NCAPG: variants seen among roughly 807,000 people sequenced by gnomAD.
NCAPG encodes non-SMC condensin I complex subunit G.
In NCAPG, 69 loss-of-function variants were observed where a neutral mutation model predicts 113.1. The ratio of observed to expected loss-of-function variants is 0.61; its 90% confidence interval spans 0.50 to 0.75. NCAPG has a LOEUF of 0.75. Among genes scored for constraint, NCAPG ranks in the 30% least tolerant of loss-of-function variants. The pLI is 0.00. For missense variants in NCAPG, 1,058 were observed against 1,177.0 expected (o/e 0.90, Z 1.48); for synonymous variants, 370 against 415.8 (o/e 0.89, Z 1.34).
chr4:17,838,029 C>T (rs1279715641), intron 16 of NCAPG, among the ~76,000 whole-genome samples: 2 of 152,082 alleles, frequency 1.3e-5, no homozygotes, highest in African/African-American at 4.8e-5. Context: ...ACTAAAAATC[C>T]ACCACCCACA....
intron 2 of NCAPG, 137 bp from the exon 3 acceptor site, chr4:17,812,780 G>T (rs1721051752): frequency 1.4e-6 from 1 of 699,298 alleles, no homozygotes; most frequent in Admixed American, 2.8e-5. Flanking sequence ...ATGGACCAAG[G>T]TAGCATTATA....
intron 13 of NCAPG, among the ~76,000 whole-genome samples, chr4:17,831,927 G>A (rs1721883804): frequency 6.6e-6 from 1 of 152,082 alleles, no homozygotes; most frequent in Non-Finnish European, 1.5e-5. Context: ...GGGAGGGTTT[G>A]GCAAACCTTT....
rs756298485 is a variant in NCAPG, at chr4:17,840,607, A to G, written c.2768A>G (p.Glu923Gly). 4.1e-6 allele frequency: 6 copies of G among 1,455,296 alleles called. No individual in the cohort carries two copies. The Admixed American group carries it at 1.3e-4, about 31-fold the overall frequency. The allele number at this position is 1,455,296 out of a possible 1,614,324, so 90.1% of individuals were successfully genotyped here. A position where few individuals can be genotyped will look rare whatever the true frequency, so the allele number is the denominator to read the frequency against. Residue 923 changes from glutamate to glycine, a missense_variant and splice_region_variant, in exon 19 of 21, where the codon GAA becomes GGA. By Grantham distance (98) the Glu-to-Gly change is moderately conservative (BLOSUM62 -2). Transcript: ENST00000251496. ...ATTGTTGTATTATTCCCTTTAATAG[A>G]AAAGAATAAAGAAGTATATATGACT... ...LTTTTFQNED[E>G]KNKEVYMTPL...
At chr4:17,842,673 T>C (rs1031666155) in intron 20 of NCAPG, 3 of 284,630 alleles carry the variant, frequency 1.1e-5, no homozygotes, top group Admixed American at 4.8e-5. Context: ...TAGCAAACTC[T>C]TGATTTTGAT....
chr4:17,831,351 T>C (rs1315609509), intron 13 of NCAPG, among the ~76,000 whole-genome samples: 2 of 152,234 alleles, frequency 1.3e-5, no homozygotes, highest in African/African-American at 4.8e-5. Flanking sequence ...AAATACTTAT[T>C]GAGTGCGTAT....
chr4:17,817,852 A>G (rs1721277907), intron 6 of NCAPG, 87 bp from the exon 7 acceptor site: 1 of 1,349,836 alleles, frequency 7.4e-7, no homozygotes, highest in African/African-American at 1.5e-5. Context: ...GTTTTAAAGC[A>G]AATCTTATTA....
At chr4:17,813,926 G>C (rs1397096498) in intron 3 of NCAPG, among the ~76,000 whole-genome samples, 1 of 151,846 alleles carries the variant, frequency 6.6e-6, no homozygotes, top group African/African-American at 2.4e-5. Context: ...ATAGTAGTTG[G>C]TATTTTTTTT....
intron 13 of NCAPG, among the ~76,000 whole-genome samples, chr4:17,833,489 TTGTTGTTG>T: frequency 4.5e-5 from 5 of 110,704 alleles, no homozygotes; most frequent in Admixed American, 3.6e-4. Flanking sequence ...TATATTTTTG[TTGTTGTTG>T]TTGTTGTTGT....
Position 17,811,203 on chromosome 4 carries a change from C to T in NCAPG, c.111+15C>T, listed in dbSNP as rs918607694. 7 of 1,438,550 alleles carry T rather than the reference C, an allele frequency of 4.9e-6. No individual in the cohort carries two copies. The highest frequency in any genetic ancestry group is 1.4e-5 in the South Asian group (1 of 73,018). The allele number at this position is 1,438,550 out of a possible 1,614,324, so 89.1% of individuals were successfully genotyped here. The stretch of plus-strand genomic sequence containing the variant: ...CCTACCGCACGGTAAGCGCTCCCGG[C>T]CCCGGCCGCCGCCTCTCGCCCGCCC... On this transcript the variant is annotated intron_variant, in intron 1 of 20. Coordinates refer to ENST00000251496, the MANE Select transcript of NCAPG (RefSeq NM_022346.5). This position sits in a 1 kb window ranked among gnomAD's most constrained non-coding sequence, Gnocchi z 5.3.
Position 17,843,306 on chromosome 4 carries a change from C to A in NCAPG, c.2929C>A (p.His977Asn). The change falls in exon 21 of 21, where the codon CAT becomes AAT. Residue 977 changes from histidine (H) to asparagine (N), a missense_variant. By Grantham distance (68) the His-to-Asn change is moderately conservative. Coordinates refer to ENST00000251496, the MANE Select transcript of NCAPG (RefSeq NM_022346.5). Reference protein sequence around the residue: ...QTAEADSESDHEVPEPESEMK... With the variant: ...QTAEADSESDNEVPEPESEMK... ...GTATTTTCAACATCTATTTAGTGAT[C>A]ATGAAGTTCCAGAACCAGAATCAGA... 6.2e-7 allele frequency: 1 copy of A among 1,611,018 alleles called. No homozygotes were observed. The highest frequency in any genetic ancestry group is 1.1e-5 in the South Asian group (1 of 90,878).
At chr4:17,831,164 CT>C in intron 13 of NCAPG, 48 bp downstream of exon 13, 1 of 1,579,590 alleles carries the variant, frequency 6.3e-7, no homozygotes, top group Non-Finnish European at 8.6e-7. Context: ...CTGAAATACT[CT>C]GTGGCGATAA....
chr4:17,822,956 C>T, intron 7 of NCAPG, 27 bp from the exon 8 acceptor site: 1 of 1,546,866 alleles, frequency 6.5e-7, no homozygotes, highest in Non-Finnish European at 8.7e-7. Context: ...TTAAAAGATT[C>T]TACTTTATTA....
At chr4:17,839,559 A>G in intron 16 of NCAPG, 117 bp from the exon 17 acceptor site, 2 of 743,664 alleles carry the variant, frequency 2.7e-6, no homozygotes, top group South Asian at 8.1e-5. Context: ...GGTTTTAGAC[A>G]TTTTATATTT....
intron 14 of NCAPG, among the ~76,000 whole-genome samples, 177 bp from the exon 15 acceptor site, chr4:17,836,982 T>C (rs1357870981): frequency 6.6e-6 from 1 of 152,252 alleles, no homozygotes; most frequent in Non-Finnish European, 1.5e-5. Flanking sequence ...TTTAGATTTG[T>C]CTAAAATTGT....
At chr4:17,833,866 C>A (rs148818669) in intron 13 of NCAPG, among the ~76,000 whole-genome samples, 2 of 152,120 alleles carry the variant, frequency 1.3e-5, no homozygotes, top group East Asian at 3.9e-4. Context: ...CTAATGAATG[C>A]CTTTCATTGC....
chr4:17,831,251 CT>C (rs1721860259), intron 13 of NCAPG, 135 bp downstream of exon 13: 9 of 987,186 alleles, frequency 9.1e-6, no homozygotes, highest in Non-Finnish European at 1.1e-5. Flanking sequence ...AGACACAATA[CT>C]TTTATCTTTT....
intron 3 of NCAPG, among the ~76,000 whole-genome samples, chr4:17,813,771 C>A (rs1721090469): frequency 6.6e-6 from 1 of 151,752 alleles, no homozygotes; most frequent in African/African-American, 2.4e-5. Context: ...TTTTTAATCT[C>A]TTTTTTAAGG....
chr4:17,818,718 A>G (rs1721321331), intron 7 of NCAPG, among the ~76,000 whole-genome samples: 1 of 152,220 alleles, frequency 6.6e-6, no homozygotes, highest in South Asian at 2.1e-4. Flanking sequence ...TTATTTATTA[A>G]AAACTTACTA....
At position 17,816,971 on chromosome 4, in the gene NCAPG, G is replaced by A. The variant is rs181544145; in HGVS notation, c.776-290G>A. Among the ~76,000 whole-genome samples, 12 of 152,164 alleles carry A rather than the reference G, an allele frequency of 7.9e-5. No individual in the cohort carries two copies. In the East Asian group the frequency reaches 1.7e-3, roughly 22 times the overall value. On this transcript the variant is annotated intron_variant, in intron 5 of 20. Transcript: ENST00000251496. ...AACATGGTGAAACAAAAATTAGCTG[G>A]GCGTGGTGGCGCATGCCTGTAGTCC...
Sources: gnomAD v4.1 joint callset for allele counts (sites outside exome capture counted in the v4.1 genomes callset) on GRCh38, gnomAD v4.1.1 for gene constraint, Gnocchi (gnomAD v3.1) non-coding constraint, MANE v1.5 for transcripts, NCBI Gene and HGNC (gene_info 2026-07-23, HGNC 2026-07-21) for gene names.